Variants in DPP10 observed in about 807,000 individuals in gnomAD.
DPP10 encodes the protein dipeptidyl peptidase like 10.
In DPP10, 33 loss-of-function variants were observed where a neutral mutation model predicts 120.9. That is an observed-to-expected ratio of 0.27 (90% CI 0.21 to 0.37). The LOEUF (loss-of-function observed/expected upper bound fraction) is 0.37. Ranked by LOEUF, DPP10 falls within the 10% of genes least tolerant of loss-of-function variation. The pLI is 1.00. For missense variants in DPP10, 816 were observed against 942.8 expected (o/e 0.87, Z 1.76); for synonymous variants, 337 against 326.1 (o/e 1.03, Z -0.36).
intron 1 of DPP10, among the ~76,000 whole-genome samples, chr2:115,294,174 A>T (rs1401703717): frequency 6.6e-6 from 1 of 152,078 alleles, no homozygotes; most frequent in Non-Finnish European, 1.5e-5. Flanking sequence ...CAGACTAGGG[A>T]GGGATGCCTT....
intron 1 of DPP10, among the ~76,000 whole-genome samples, chr2:115,242,341 T>C (rs1478897186): frequency 6.6e-6 from 1 of 152,196 alleles, no homozygotes; most frequent in African/African-American, 2.4e-5. Flanking sequence ...ATTCACATTT[T>C]TTTTTCTTTT....
At chr2:115,525,072 T>A (rs1318260800) in intron 4 of DPP10, among the ~76,000 whole-genome samples, 1 of 152,172 alleles carries the variant, frequency 6.6e-6, no homozygotes, top group Non-Finnish European at 1.5e-5. Context: ...TGTGCACAAT[T>A]GTTTATGCAC....
intron 1 of DPP10, among the ~76,000 whole-genome samples, chr2:114,740,155 C>T (rs1044172671): frequency 1.3e-5 from 2 of 151,346 alleles, no homozygotes; most frequent in African/African-American, 4.9e-5. Flanking sequence ...GGCACATATA[C>T]ACCATGGAAT....
chr2:114,850,928 C>T (rs911355151), intron 1 of DPP10, among the ~76,000 whole-genome samples: 1 of 151,846 alleles, frequency 6.6e-6, no homozygotes, highest in Non-Finnish European at 1.5e-5. Flanking sequence ...TCTTTGGAAA[C>T]CTTCTAGATG....
At chr2:114,507,637 A>G (rs966323026) in intron 1 of DPP10, among the ~76,000 whole-genome samples, 2 of 152,052 alleles carry the variant, frequency 1.3e-5, no homozygotes, top group African/African-American at 2.4e-5. Context: ...TTGATACTGG[A>G]ATAATTCTTG....
intron 1 of DPP10, among the ~76,000 whole-genome samples, chr2:114,779,394 A>G (rs1398082443): frequency 6.6e-6 from 1 of 152,126 alleles, no homozygotes; most frequent in Non-Finnish European, 1.5e-5. Context: ...AACAAGAGCC[A>G]GCTCCCTGAG....
chr2:114,942,904 C>G (rs1426890719), intron 1 of DPP10, among the ~76,000 whole-genome samples: 1 of 151,968 alleles, frequency 6.6e-6, no homozygotes, highest in African/African-American at 2.4e-5. Context: ...AACTGTTTTT[C>G]TTTTGTTTAT....
At chr2:115,157,249 A>G (rs1376678102) in intron 1 of DPP10, among the ~76,000 whole-genome samples, 1 of 151,482 alleles carries the variant, frequency 6.6e-6, no homozygotes, top group African/African-American at 2.4e-5. Context: ...TATAGCAAAA[A>G]AAAAAAAAAA....
chr2:115,018,008 A>T (rs1211816551), intron 1 of DPP10, among the ~76,000 whole-genome samples: 2 of 150,266 alleles, frequency 1.3e-5, no homozygotes, highest in East Asian at 3.9e-4. Context: ...ATAATAATAA[A>T]AAAAAAAAGA....
chr2:114,623,750 C>A (rs1573817692), intron 1 of DPP10, among the ~76,000 whole-genome samples: 1 of 152,088 alleles, frequency 6.6e-6, no homozygotes, highest in East Asian at 1.9e-4. Context: ...AAATTGCAAG[C>A]ATTAATTCAA....
chr2:114,445,635 G>A (rs920393225), intron 1 of DPP10, among the ~76,000 whole-genome samples: 1 of 151,368 alleles, frequency 6.6e-6, no homozygotes, highest in South Asian at 2.1e-4. Context: ...GTAAAATTCA[G>A]CAATTGTTGC....
chr2:115,766,386 T>A (rs1680765735), intron 12 of DPP10, among the ~76,000 whole-genome samples: 1 of 142,512 alleles, frequency 7.0e-6, no homozygotes, highest in African/African-American at 2.6e-5. Context: ...CCCCCACCAT[T>A]AAAAGTAATG....
chr2:114,506,678 G>A (rs528307068), intron 1 of DPP10, among the ~76,000 whole-genome samples: 2 of 152,118 alleles, frequency 1.3e-5, no homozygotes, highest in African/African-American at 4.8e-5. Flanking sequence ...CCTGGCTCCC[G>A]TGTCCACTCA....
chr2:115,826,531 G>C (rs1304058023), intron 21 of DPP10, among the ~76,000 whole-genome samples: 4 of 151,974 alleles, frequency 2.6e-5, no homozygotes, highest in Non-Finnish European at 5.9e-5. Context: ...GACCAGCCTG[G>C]CCAACGTGGT....
chr2:115,136,239 CT>C (rs2050646089), intron 1 of DPP10, among the ~76,000 whole-genome samples: 1 of 152,068 alleles, frequency 6.6e-6, no homozygotes, highest in Non-Finnish European at 1.5e-5. Flanking sequence ...CATACTCAAT[CT>C]TTCTAAGCAC....
intron 1 of DPP10, among the ~76,000 whole-genome samples, chr2:115,124,749 G>C (rs2049987924): frequency 6.6e-6 from 1 of 152,190 alleles, no homozygotes; most frequent in Admixed American, 6.5e-5. Context: ...GGAAATGTCT[G>C]TTTGTTAACC....
rs70941010 is a variant in DPP10 at position 114,831,022 on chromosome 2, A to ATT, written c.60+388219_60+388220dup. 5.9e-4 allele frequency among the ~76,000 whole-genome samples: 27 copies of ATT among 45,922 alleles called. 6 individuals carry two copies. The highest frequency in any genetic ancestry group is 2.3e-3 in the African/African-American group (27 of 11,580). The allele number at this position is 45,922 out of a possible 152,430, so 30.1% of individuals were successfully genotyped here. The stretch of plus-strand genomic sequence containing the variant: ...GGAATATTTAAACATCCATGCAAAG[A>ATT]TTTTTTTTTTTTTTTTTTTTTTTTT... On this transcript the variant is annotated intron_variant, in intron 1 of 25. Coordinates refer to ENST00000410059, the MANE Select transcript of DPP10 (RefSeq NM_020868.6).
At chr2:114,631,294 C>G (rs951127442) in intron 1 of DPP10, among the ~76,000 whole-genome samples, 1 of 152,022 alleles carries the variant, frequency 6.6e-6, no homozygotes, top group Non-Finnish European at 1.5e-5. Flanking sequence ...ACACATTTGA[C>G]CCACTGTGAG....
intron 1 of DPP10, among the ~76,000 whole-genome samples, chr2:114,623,340 T>C (rs1381269979): frequency 6.6e-6 from 1 of 152,118 alleles, no homozygotes; most frequent in Non-Finnish European, 1.5e-5. Context: ...GTTTTATGCA[T>C]ATTAAAACAT....
Sources: allele counts gnomAD v4.1 joint callset (sites outside exome capture counted in the v4.1 genomes callset), GRCh38; gene constraint gnomAD v4.1.1; transcripts MANE v1.5; gene names NCBI Gene and HGNC (gene_info 2026-07-23, HGNC 2026-07-21).